The following MVP variants were observed in gnomAD, a reference collection of about 807,000 sequenced individuals.
The protein encoded by MVP is lung resistance-related protein.
In MVP, 62 loss-of-function variants were observed where a neutral mutation model predicts 83.5. That is an observed-to-expected ratio of 0.74 (90% CI 0.61 to 0.92). The LOEUF (loss-of-function observed/expected upper bound fraction) is 0.92. Among genes scored for constraint, MVP ranks in the 40% least tolerant of loss-of-function variants. The pLI is 0.00. For missense variants in MVP, 1,000 were observed against 1,203.4 expected (o/e 0.83, Z 2.50); for synonymous variants, 505 against 504.1 (o/e 1.00, Z -0.02).
intron 1 of MVP, among the ~76,000 whole-genome samples, chr16:29,824,211 CAAAAAA>C (rs61338952): frequency 7.6e-5 from 3 of 39,636 alleles, no homozygotes; most frequent in South Asian, 1.6e-3. Flanking sequence ...AACTCCATCT[CAAAAAA>C]AAAAAAAAAA....
Position 29,830,530 on chromosome 16 carries a change from C to T in MVP, c.-20C>T. On this transcript the variant is annotated 5_prime_UTR_variant, in exon 2 of 15. Transcript: ENST00000357402. ...CACCTACCAGTCATCTTCTTGTGAG[C>T]CCTGGGCTTAGGAGTCACCATGGCA... The T allele has an allele frequency of 6.2e-7, 1 of 1,612,832 alleles. No homozygotes were observed. The highest frequency in any genetic ancestry group is 8.5e-7 in the Non-Finnish European group (1 of 1,179,268).
intron 7 of MVP, among the ~76,000 whole-genome samples, chr16:29,837,599 C>T (rs1004930321): frequency 2.6e-5 from 4 of 152,026 alleles, no homozygotes; most frequent in East Asian, 1.9e-4. Context: ...ACTAAAAATA[C>T]AAAAATTAGC....
chr16:29,844,892 G>A lies in MVP; in HGVS notation c.2021+13G>A. 1.3e-6 allele frequency: 2 copies of A among 1,591,206 alleles called. No individual in the cohort carries two copies. The highest frequency in any genetic ancestry group is 1.1e-5 in the South Asian group (1 of 89,850). On this transcript the variant is annotated intron_variant, in intron 11 of 14. Coordinates refer to ENST00000357402, the MANE Select transcript of MVP (RefSeq NM_005115.5). ...AAGCGGCGGCCAAGTAAGTGAGGCTGGGAGCTCGGCTGCCTATAATGCCCA... is the reference window on the plus strand; with the variant it reads ...AAGCGGCGGCCAAGTAAGTGAGGCTAGGAGCTCGGCTGCCTATAATGCCCA...
intron 1 of MVP, among the ~76,000 whole-genome samples, chr16:29,822,205 G>A (rs771878611): frequency 2.6e-5 from 4 of 151,652 alleles, no homozygotes; most frequent in African/African-American, 7.3e-5. Flanking sequence ...TGATCTAGGC[G>A]GTTCTTGCCT....
chr16:29,839,783 C>CAAAAAAAAAAAAAAAA (rs71373206), intron 7 of MVP, among the ~76,000 whole-genome samples: 1 of 47,368 alleles, frequency 2.1e-5, no homozygotes. Flanking sequence ...AAGACTATCT[C>CAAAAAAAAAAAAAAAA]AAAAAAAAAA....
chr16:29,844,283 C>T (rs2067561843), intron 10 of MVP, among the ~76,000 whole-genome samples: 1 of 152,104 alleles, frequency 6.6e-6, no homozygotes, highest in African/African-American at 2.4e-5. Context: ...CCCGGCCACA[C>T]AGGATGGGTG....
At position 29,836,650 on chromosome 16, in the gene MVP, T is replaced by C. The variant is rs929560441; in HGVS notation, c.673-72T>C. On this transcript the variant is annotated intron_variant, in intron 6 of 14. Coordinates refer to ENST00000357402, the MANE Select transcript of MVP (RefSeq NM_005115.5). ...ATCTGGGAGCATTGGGAGCATTTGGTGGCCAATGGGGCTCGCAGATCCCCT... is the reference window on the plus strand; with the variant it reads ...ATCTGGGAGCATTGGGAGCATTTGGCGGCCAATGGGGCTCGCAGATCCCCT... 5.8e-5 allele frequency: 71 copies of C among 1,225,610 alleles called. No homozygotes were observed. In the Middle Eastern group the frequency reaches 6.0e-4, roughly 10 times the overall value. 75.9% of individuals were successfully genotyped at this position (1,225,610 alleles called of 1,614,324 possible).
chr16:29,836,336 A>T (rs574113501), intron 6 of MVP, among the ~76,000 whole-genome samples: 56 of 150,192 alleles, frequency 3.7e-4, no homozygotes, highest in Admixed American at 2.2e-3. Flanking sequence ...GCATTTTGGG[A>T]GGCTGAGGTG....
chr16:29,829,950 C>T (rs978522942), intron 1 of MVP: 2 of 153,190 alleles, frequency 1.3e-5, no homozygotes, highest in Admixed American at 6.5e-5. Flanking sequence ...TGTTTATGGC[C>T]GAATCCTAGC....
Position 29,840,048 on chromosome 16 carries a change from G to C in MVP, c.910-130G>C, listed in dbSNP as rs560340843. The C allele has an allele frequency of 1.3e-5, 11 of 878,830 alleles. No individual in the cohort carries two copies. In the South Asian group the frequency reaches 1.9e-4, roughly 15 times the overall value. The allele number at this position is 878,830 out of a possible 1,614,324, so 54.4% of individuals were successfully genotyped here. On this transcript the variant is annotated intron_variant, in intron 7 of 14. Coordinates refer to ENST00000357402, the MANE Select transcript of MVP (RefSeq NM_005115.5). The stretch of plus-strand genomic sequence containing the variant: ...ACAGTGCCTCACCGTATTATGATGT[G>C]GGGGTGGGGGCGGGCTTCTGGTGCT...
At chr16:29,837,522 G>C (rs911880897) in intron 7 of MVP, among the ~76,000 whole-genome samples, 2 of 152,180 alleles carry the variant, frequency 1.3e-5, no homozygotes, top group Non-Finnish European at 2.9e-5. Context: ...GGGAGGCCGA[G>C]GCAGGTGGAT....
rs1140559 is a variant in MVP, at chr16:29,840,435, T to C, written c.1167T>C (p.Tyr389=). The change falls in exon 8 of 15, where the codon TAT becomes TAC. Residue 389 remains tyrosine (Y), a synonymous_variant. Coordinates refer to ENST00000357402, the MANE Select transcript of MVP (RefSeq NM_005115.5). ...CTCTAGACGAGAACGAGGGCATCTA[T>C]GTGCAGGATGTCAAGACCGGAAAGG... The part of the protein sequence containing the change: ...AIPLDENEGI[Y]VQDVKTGKVR... 40 of 1,574,972 alleles carry C rather than the reference T, an allele frequency of 2.5e-5. No homozygotes were observed. The highest frequency in any genetic ancestry group is 3.3e-5 in the Non-Finnish European group (38 of 1,160,378).
Position 29,842,086 on chromosome 16 carries a change from G to A in MVP, c.1608G>A (p.Arg536=). ...VITIETADHA[R]LQLQLAYNWH... is the part of the protein sequence containing the mutation. Reference sequence around the variant, plus strand: ...CCATCGAAACGGCGGATCATGCCAGGCTGCAACTGCAGCTGGCCTACAACT... The same window carrying A: ...CCATCGAAACGGCGGATCATGCCAGACTGCAACTGCAGCTGGCCTACAACT... The change falls in exon 10 of 15, where the codon AGG becomes AGA. Residue 536 remains arginine (R), a synonymous_variant. Transcript: ENST00000357402. 6.2e-7 allele frequency: 1 copy of A among 1,604,980 alleles called. No individual in the cohort carries two copies. Among genetic ancestry groups the A allele is most frequent in the Non-Finnish European group, 8.5e-7 (1 of 1,179,286 alleles).
At chr16:29,824,911 T>C (rs1296448408) in intron 1 of MVP, among the ~76,000 whole-genome samples, 3 of 151,988 alleles carry the variant, frequency 2.0e-5, no homozygotes, top group African/African-American at 4.8e-5. Context: ...TTTTTTTTTT[T>C]TTTCTTTCTT....
chr16:29,831,178 CAG>C (rs1367746190), intron 3 of MVP, 105 bp downstream of exon 3: 3 of 1,115,968 alleles, frequency 2.7e-6, no homozygotes, highest in Non-Finnish European at 2.5e-6. Context: ...TTTTTTGAGG[CAG>C]AGTTTCACTC....
At position 29,836,877 on chromosome 16, in the gene MVP, G is replaced by A. The variant is rs777677239; in HGVS notation, c.828G>A (p.Leu276=). Residue 276 remains leucine (L), a synonymous_variant, in exon 7 of 15, where the codon CTG becomes CTA. Coordinates refer to ENST00000357402, the MANE Select transcript of MVP (RefSeq NM_005115.5). The part of the protein sequence containing the change: ...EVLGVVPITT[L]GPHNYCVILD... ...TGGGGGTTGTGCCCATCACCACCCT[G>A]GGCCCCCACAACTACTGCGTGATTC... The A allele has an allele frequency of 6.8e-6, 11 of 1,614,040 alleles. No individual in the cohort carries two copies. Among genetic ancestry groups the A allele is most frequent in the Non-Finnish European group, 9.3e-6 (11 of 1,180,000 alleles).
rs765084274 is a variant in MVP, at chr16:29,831,017, G to A, written c.265G>A (p.Glu89Lys). 6 of 1,613,682 alleles carry A rather than the reference G, an allele frequency of 3.7e-6. No homozygotes were observed. Among genetic ancestry groups the A allele is most frequent in the African/African-American group, 1.3e-5 (1 of 74,882 alleles). The stretch of plus-strand genomic sequence containing the variant: ...AGTTCGGCTTCGCCACGCTGACCTC[G>A]AGATCCGGCTGGCCCAGGACCCCTT... ...GQVRLRHADLEIRLAQDPFPL... is the reference protein window; with the variant it reads ...GQVRLRHADLKIRLAQDPFPL... Residue 89 changes from glutamate (E) to lysine (K), a missense_variant, in exon 3 of 15, where the codon GAG (glutamate) becomes AAG (lysine). Physicochemically the swap from Glu to Lys is moderately conservative, Grantham distance 56. Coordinates refer to ENST00000357402, the MANE Select transcript of MVP (RefSeq NM_005115.5).
rs755715079 is a variant in MVP, at chr16:29,844,890, C to T, written c.2021+11C>T. The T allele has an allele frequency of 1.9e-6, 3 of 1,592,102 alleles. No individual in the cohort carries two copies. Among genetic ancestry groups the T allele is most frequent in the Non-Finnish European group, 2.6e-6 (3 of 1,174,982 alleles). On this transcript the variant is annotated intron_variant, in intron 11 of 14. Transcript: ENST00000357402. ...GGAAGCGGCGGCCAAGTAAGTGAGG[C>T]TGGGAGCTCGGCTGCCTATAATGCC...
chr16:29,839,783 C>CAAAAAAAA (rs71373206), intron 7 of MVP, among the ~76,000 whole-genome samples: 2 of 47,364 alleles, frequency 4.2e-5, no homozygotes, highest in Non-Finnish European at 6.9e-5. Flanking sequence ...AAGACTATCT[C>CAAAAAAAA]AAAAAAAAAA....
Sources: gnomAD v4.1 joint callset for allele counts (sites outside exome capture counted in the v4.1 genomes callset) on GRCh38, gnomAD v4.1.1 for gene constraint, MANE v1.5 for transcripts, NCBI Gene and HGNC (gene_info 2026-07-23, HGNC 2026-07-21) for gene names.